RANBP2: variants seen among roughly 807,000 people sequenced by gnomAD.
RANBP2 encodes RAN binding protein 2, also known as E3 SUMO-protein ligase RanBP2.
In RANBP2, 57 loss-of-function variants were observed where a neutral mutation model predicts 303.6. That is an observed-to-expected ratio of 0.19 (90% CI 0.15 to 0.23). RANBP2 has a LOEUF of 0.23. Ranked by LOEUF, RANBP2 falls within the 10% of genes least tolerant of loss-of-function variation. The probability of loss-of-function intolerance (pLI) is 1.00; values close to 1 mark genes in which losing one functional copy is unlikely to be tolerated. For synonymous variants in RANBP2, 1,167 were observed against 1,301.5 expected (o/e 0.90, Z 2.23); for missense variants, 3,138 against 3,780.8 (o/e 0.83, Z 4.46).
chr2:109,034,015 C>T, the RANBP2 span, among the ~76,000 whole-genome samples: 1 of 150,048 alleles, frequency 6.7e-6, no homozygotes, highest in Admixed American at 6.6e-5. Flanking sequence ...GTAATCCCAG[C>T]ACTTTGGGAG....
the RANBP2 span, among the ~76,000 whole-genome samples, chr2:109,112,236 G>T: frequency 5.9e-5 from 9 of 151,904 alleles, no homozygotes; most frequent in East Asian, 1.9e-4. Flanking sequence ...TGAACTAGTT[G>T]ACAGTCCCAC....
chr2:109,078,570 A>G, the RANBP2 span, among the ~76,000 whole-genome samples: 1 of 149,298 alleles, frequency 6.7e-6, no homozygotes, highest in African/African-American at 2.4e-5. Context: ...TCAGTTATGT[A>G]GGGTGGATAA....
chr2:109,553,076 A>G, the RANBP2 span: 17 of 1,610,238 alleles, frequency 1.1e-5, no homozygotes, highest in Non-Finnish European at 1.4e-5. Flanking sequence ...ACATCAAACC[A>G]GCATACTTGC....
the RANBP2 span, among the ~76,000 whole-genome samples, chr2:109,297,839 C>T: frequency 2.0e-5 from 3 of 152,154 alleles, no homozygotes; most frequent in Non-Finnish European, 4.4e-5. Context: ...GACAGTGCCC[C>T]CGACCTGGGC....
the RANBP2 span, among the ~76,000 whole-genome samples, chr2:109,482,156 T>C: frequency 6.6e-5 from 10 of 152,168 alleles, no homozygotes; most frequent in Non-Finnish European, 1.0e-4. Flanking sequence ...CTGTGTCTCT[T>C]GTTCAGCATC....
the RANBP2 span, among the ~76,000 whole-genome samples, chr2:109,451,166 AAGCTC>A: frequency 1.3e-5 from 2 of 152,228 alleles, no homozygotes; most frequent in South Asian, 4.1e-4. Context: ...GCAGCTAGCA[AAGCTC>A]AGGTCTGCTC....
the RANBP2 span, among the ~76,000 whole-genome samples, chr2:109,148,917 A>C: frequency 6.6e-6 from 1 of 152,314 alleles, no homozygotes; most frequent in African/African-American, 2.4e-5. Flanking sequence ...ACCCAAAAAA[A>C]ATCAAGTTCT....
At chr2:108,778,722 ATTTTGT>A (rs58663478) in intron 25 of RANBP2, among the ~76,000 whole-genome samples, 24,462 of 151,834 alleles carry the variant, frequency 0.16, 2,028 homozygotes, top group South Asian at 0.19. Flanking sequence ...TTGCTGAACA[ATTTTGT>A]TTTTGTTTTT....
At chr2:109,225,541 G>A in the RANBP2 span, among the ~76,000 whole-genome samples, 2 of 152,246 alleles carry the variant, frequency 1.3e-5, no homozygotes, top group Non-Finnish European at 2.9e-5. Flanking sequence ...GTTTTCTCCT[G>A]AGAGTTAGGC....
At chr2:109,356,294 A>G in the RANBP2 span, among the ~76,000 whole-genome samples, 1 of 152,124 alleles carries the variant, frequency 6.6e-6, no homozygotes, top group Non-Finnish European at 1.5e-5. Flanking sequence ...CCACACAGCC[A>G]CAGAAACCAG....
chr2:108,963,276 A>C, the RANBP2 span, among the ~76,000 whole-genome samples: 1 of 152,222 alleles, frequency 6.6e-6, no homozygotes, highest in African/African-American at 2.4e-5. Flanking sequence ...ATGATCACGC[A>C]CTACACACTG....
At chr2:109,432,487 T>C in the RANBP2 span, 1 of 1,612,570 alleles carries the variant, frequency 6.2e-7, no homozygotes, top group South Asian at 1.1e-5. Context: ...ACTGGCCCCA[T>C]GCTTTGCCCG....
At chr2:109,351,673 C>T in the RANBP2 span, among the ~76,000 whole-genome samples, 1 of 152,190 alleles carries the variant, frequency 6.6e-6, no homozygotes, top group Non-Finnish European at 1.5e-5. Context: ...CAGAGAGTGC[C>T]CGCTGATCAT....
chr2:109,742,793 G>C, the RANBP2 span, among the ~76,000 whole-genome samples: 1 of 148,118 alleles, frequency 6.8e-6, no homozygotes, highest in Non-Finnish European at 1.5e-5. Context: ...ACTTATAAGT[G>C]AGAACATAAC....
the RANBP2 span, among the ~76,000 whole-genome samples, chr2:109,512,934 G>A: frequency 6.6e-6 from 1 of 152,208 alleles, no homozygotes; most frequent in Non-Finnish European, 1.5e-5. Context: ...CTTGCACGTG[G>A]GTGGCCTGGC....
the RANBP2 span, among the ~76,000 whole-genome samples, chr2:109,590,067 C>T: frequency 6.9e-6 from 1 of 144,704 alleles, no homozygotes; most frequent in African/African-American, 2.5e-5. Flanking sequence ...TATATATATA[C>T]ACACACATAT....
At chr2:108,791,632 T>C in the RANBP2 span, 8 of 1,583,588 alleles carry the variant, frequency 5.1e-6, no homozygotes, top group Non-Finnish European at 6.9e-6. Context: ...TAAAGTGCTA[T>C]AGTAAACTTC....
the RANBP2 span, among the ~76,000 whole-genome samples, chr2:109,019,173 G>A: frequency 2.6e-5 from 4 of 152,354 alleles, no homozygotes; most frequent in South Asian, 8.3e-4. Flanking sequence ...CTGCACAACC[G>A]ACCCGTGCCT....
chr2:109,434,751 C>T, the RANBP2 span, among the ~76,000 whole-genome samples: 3 of 152,254 alleles, frequency 2.0e-5, no homozygotes, highest in Admixed American at 1.3e-4. Flanking sequence ...TCAGGATCCC[C>T]CCTCACAGGC....
Sources: gnomAD v4.1 joint callset for allele counts (sites outside exome capture counted in the v4.1 genomes callset) on GRCh38, gnomAD v4.1.1 for gene constraint, MANE v1.5 for transcripts, NCBI Gene and HGNC (gene_info 2026-07-23, HGNC 2026-07-21) for gene names.